Variants in CACNA2D3 observed in about 807,000 individuals in gnomAD.
CACNA2D3 encodes the protein voltage-dependent calcium channel subunit alpha-2/delta-3.
Under a neutral mutation model 160.6 loss-of-function variants are expected in CACNA2D3, and 60 were observed. The observed-to-expected ratio is 0.37, with a 90% CI of 0.30 to 0.46. CACNA2D3 has a LOEUF of 0.46. Among genes scored for constraint, CACNA2D3 ranks in the 20% least tolerant of loss-of-function variants. CACNA2D3 has a pLI of 1.00. For synonymous variants in CACNA2D3, 558 were observed against 492.9 expected (o/e 1.13, Z -1.75); for missense variants, 1,205 against 1,365.0 (o/e 0.88, Z 1.85).
At chr3:54,860,544 T>C (rs1390662391) in intron 17 of CACNA2D3, among the ~76,000 whole-genome samples, 10 of 152,200 alleles carry the variant, frequency 6.6e-5, no homozygotes, top group African/African-American at 1.9e-4. Context: ...ATAAATGTTA[T>C]GTTCGTATAT....
intron 4 of CACNA2D3, among the ~76,000 whole-genome samples, chr3:54,459,991 T>A (rs1663798680): frequency 1.3e-5 from 2 of 152,184 alleles, no homozygotes; most frequent in African/African-American, 4.8e-5. Context: ...TTTCTCCATA[T>A]GGCTAGCCAG....
intron 27 of CACNA2D3, chr3:54,924,901 T>C (rs757860768): frequency 6.2e-7 from 1 of 1,613,566 alleles, no homozygotes; most frequent in South Asian, 1.1e-5. Context: ...AGGAGTGAAT[T>C]CTGGGTTAGA....
At chr3:54,273,136 A>C (rs9863001) in intron 2 of CACNA2D3, 1 of 152,062 alleles carries the variant, frequency 6.6e-6, no homozygotes. Context: ...GGATTTTTGC[A>C]GTTCCACGTG....
chr3:54,245,837 A>G (rs928996330), intron 2 of CACNA2D3, among the ~76,000 whole-genome samples: 14 of 152,204 alleles, frequency 9.2e-5, no homozygotes, highest in Non-Finnish European at 2.1e-4. Context: ...CAATGCAAGA[A>G]TGATTACTTT....
At chr3:54,335,726 C>A (rs1211274768) in intron 3 of CACNA2D3, among the ~76,000 whole-genome samples, 1 of 151,988 alleles carries the variant, frequency 6.6e-6, no homozygotes, top group African/African-American at 2.4e-5. Context: ...GAGTTGCGGC[C>A]AGGCGCAGTG....
chr3:54,849,024 T>C (rs1302505961), intron 17 of CACNA2D3, among the ~76,000 whole-genome samples: 1 of 152,254 alleles, frequency 6.6e-6, no homozygotes, highest in Non-Finnish European at 1.5e-5. Context: ...AATGGATGCT[T>C]AAAGAGGCAA....
At chr3:54,972,935 C>T (rs755029122) in intron 29 of CACNA2D3, among the ~76,000 whole-genome samples, 7 of 152,108 alleles carry the variant, frequency 4.6e-5, no homozygotes, top group Non-Finnish European at 7.3e-5. Context: ...TGGCTGAGCA[C>T]GGGGCAGTCA....
At chr3:54,746,966 G>C (rs1419420133) in intron 11 of CACNA2D3, among the ~76,000 whole-genome samples, 1 of 152,070 alleles carries the variant, frequency 6.6e-6, no homozygotes, top group Non-Finnish European at 1.5e-5. Context: ...GTTGACACAA[G>C]CTTTTTAAAA....
At chr3:54,468,222 A>G (rs1049019109) in intron 4 of CACNA2D3, among the ~76,000 whole-genome samples, 1 of 152,304 alleles carries the variant, frequency 6.6e-6, no homozygotes, top group South Asian at 2.1e-4. Context: ...TGCATTTCCA[A>G]CTGAGGTACC....
intron 2 of CACNA2D3, among the ~76,000 whole-genome samples, chr3:54,163,627 A>AG (rs1443278693): frequency 2.0e-5 from 3 of 152,192 alleles, no homozygotes; most frequent in Admixed American, 6.5e-5. Context: ...GAAATCAGTT[A>AG]GGTGCAAGCA....
At chr3:54,572,443 C>T (rs1378382751) in intron 8 of CACNA2D3, among the ~76,000 whole-genome samples, 1 of 152,180 alleles carries the variant, frequency 6.6e-6, no homozygotes, top group East Asian at 1.9e-4. Flanking sequence ...CTCACTGAAT[C>T]CTCACCCCAG....
At chr3:54,890,218 C>T (rs1325824812) in intron 24 of CACNA2D3, among the ~76,000 whole-genome samples, 2 of 152,002 alleles carry the variant, frequency 1.3e-5, no homozygotes, top group Non-Finnish European at 2.9e-5. Flanking sequence ...GTTTGTGGAC[C>T]AGGCATGGTG....
chr3:54,870,075 G>T (rs1389130400), intron 17 of CACNA2D3, among the ~76,000 whole-genome samples: 3 of 152,174 alleles, frequency 2.0e-5, no homozygotes, highest in Non-Finnish European at 4.4e-5. Context: ...TGAGGAGGGG[G>T]AGTCTCCAGA....
At chr3:54,334,934 A>C (rs1357215182) in intron 3 of CACNA2D3, among the ~76,000 whole-genome samples, 2 of 152,058 alleles carry the variant, frequency 1.3e-5, no homozygotes, top group African/African-American at 4.8e-5. Flanking sequence ...ATTTACTTAA[A>C]CTCCCTAAGC....
chr3:54,811,258 A>G (rs1703304641), intron 13 of CACNA2D3, among the ~76,000 whole-genome samples: 1 of 151,974 alleles, frequency 6.6e-6, no homozygotes, highest in Non-Finnish European at 1.5e-5. Flanking sequence ...TCCCATACTC[A>G]TCTTCTCAGT....
intron 11 of CACNA2D3, among the ~76,000 whole-genome samples, chr3:54,735,767 CTG>C (rs1190360493): frequency 6.6e-6 from 1 of 151,318 alleles, no homozygotes; most frequent in Non-Finnish European, 1.5e-5. Context: ...AGGAGATCCT[CTG>C]TAAATTTTTA....
chr3:54,851,480 C>G (rs1699056677), intron 17 of CACNA2D3, among the ~76,000 whole-genome samples: 1 of 152,162 alleles, frequency 6.6e-6, no homozygotes, highest in East Asian at 1.9e-4. Context: ...GACCCTTAAC[C>G]CCAGTCAGTT....
At chr3:54,179,379 A>G (rs1425589117) in intron 2 of CACNA2D3, among the ~76,000 whole-genome samples, 5 of 152,088 alleles carry the variant, frequency 3.3e-5, no homozygotes, top group Non-Finnish European at 2.9e-5. Flanking sequence ...TTCTGCAGGA[A>G]TTCTGTTGCT....
At chr3:54,665,141 T>G (rs1032831698) in intron 11 of CACNA2D3, among the ~76,000 whole-genome samples, 5 of 152,202 alleles carry the variant, frequency 3.3e-5, no homozygotes, top group African/African-American at 9.7e-5. Flanking sequence ...CTTTATGTTA[T>G]CCAGTGGTAC....
Sources: gnomAD v4.1 joint callset for allele counts (sites outside exome capture counted in the v4.1 genomes callset) on GRCh38, gnomAD v4.1.1 for gene constraint, MANE v1.5 for transcripts, NCBI Gene and HGNC (gene_info 2026-07-23, HGNC 2026-07-21) for gene names.